The following NRG3 variants were observed in gnomAD, a reference collection of about 807,000 sequenced individuals.
NRG3 encodes pro-neuregulin-3, membrane-bound isoform.
A neutral mutation model predicts 66.9 loss-of-function variants in NRG3; 31 were observed. That is an observed-to-expected ratio of 0.46 (90% CI 0.35 to 0.63). The LOEUF (loss-of-function observed/expected upper bound fraction) is 0.63, where lower values mean the gene tolerates loss of function less well. Among genes scored for constraint, NRG3 ranks in the 20% least tolerant of loss-of-function variants. The pLI is 0.00. For synonymous variants in NRG3, 393 were observed against 359.4 expected (o/e 1.09, Z -1.06); for missense variants, 910 against 878.9 (o/e 1.04, Z -0.45).
intron 2 of NRG3, among the ~76,000 whole-genome samples, chr10:82,398,016 C>G (rs769305258): frequency 6.6e-6 from 1 of 152,132 alleles, no homozygotes; most frequent in Middle Eastern, 3.2e-3. Context: ...CCAGTTCTGA[C>G]CTGTCAATCA....
chr10:82,033,526 C>A (rs1231641369), intron 1 of NRG3, among the ~76,000 whole-genome samples: 1 of 152,060 alleles, frequency 6.6e-6, no homozygotes, highest in East Asian at 1.9e-4. Context: ...TTCCCTCAGT[C>A]CTTCTTCTTT....
At chr10:82,348,241 C>G (rs1436753472) in intron 1 of NRG3, among the ~76,000 whole-genome samples, 2 of 152,156 alleles carry the variant, frequency 1.3e-5, no homozygotes, top group African/African-American at 2.4e-5. Flanking sequence ...CTTCCTTCAA[C>G]AGCTCTTTTA....
At chr10:82,183,551 C>A (rs1442438586) in intron 1 of NRG3, among the ~76,000 whole-genome samples, 1 of 151,974 alleles carries the variant, frequency 6.6e-6, no homozygotes, top group East Asian at 1.9e-4. Flanking sequence ...AACTGCTGGT[C>A]TCAGCTGCTG....
At chr10:82,930,858 G>A (rs1923558) in intron 4 of NRG3, among the ~76,000 whole-genome samples, 57,091 of 151,926 alleles carry the variant, frequency 0.38, 11,165 homozygotes, top group East Asian at 0.63. Flanking sequence ...GGGGATGACA[G>A]AAAACTTCCT....
chr10:82,171,583 G>A (rs1315246937), intron 1 of NRG3, among the ~76,000 whole-genome samples: 3 of 152,108 alleles, frequency 2.0e-5, no homozygotes, highest in Admixed American at 1.3e-4. Flanking sequence ...GAGTATTACA[G>A]TTCAAGTTAG....
chr10:82,029,903 A>G (rs1289641935), intron 1 of NRG3, among the ~76,000 whole-genome samples: 1 of 152,140 alleles, frequency 6.6e-6, no homozygotes, highest in Non-Finnish European at 1.5e-5. Context: ...AAGAGGAATT[A>G]TAATTGGCCT....
chr10:82,505,149 G>C (rs530288764), intron 2 of NRG3, among the ~76,000 whole-genome samples: 1 of 152,312 alleles, frequency 6.6e-6, no homozygotes, highest in East Asian at 1.9e-4. Context: ...CGTCTTCCCT[G>C]AGACTTAAAT....
chr10:82,700,366 T>A, intron 2 of NRG3, among the ~76,000 whole-genome samples: 1 of 152,206 alleles, frequency 6.6e-6, no homozygotes, highest in East Asian at 1.9e-4. Context: ...AGATTATTAA[T>A]GCATCACTTT....
At chr10:82,338,393 T>C (rs543173139) in intron 1 of NRG3, among the ~76,000 whole-genome samples, 1 of 152,226 alleles carries the variant, frequency 6.6e-6, no homozygotes, top group Admixed American at 6.5e-5. Context: ...ACATTATGAG[T>C]ATATTAGCCA....
intron 2 of NRG3, among the ~76,000 whole-genome samples, chr10:82,367,603 TTA>T (rs2084624951): frequency 2.0e-5 from 3 of 152,194 alleles, no homozygotes; most frequent in Admixed American, 1.3e-4. Context: ...TGCAGACTCT[TTA>T]AAAAGTGTTG....
At chr10:81,890,247 T>C (rs1372716307) in intron 1 of NRG3, among the ~76,000 whole-genome samples, 1 of 152,186 alleles carries the variant, frequency 6.6e-6, no homozygotes, top group African/African-American at 2.4e-5. Flanking sequence ...TTTAAGCCTT[T>C]CGGCTACTTG....
At chr10:82,563,845 T>C (rs969508545) in intron 2 of NRG3, among the ~76,000 whole-genome samples, 2 of 152,038 alleles carry the variant, frequency 1.3e-5, no homozygotes, top group Admixed American at 1.3e-4. Flanking sequence ...AAATTTTCTA[T>C]CTTTTTGATG....
At chr10:82,561,244 A>G (rs1052093590) in intron 2 of NRG3, among the ~76,000 whole-genome samples, 2 of 152,066 alleles carry the variant, frequency 1.3e-5, no homozygotes, top group African/African-American at 4.8e-5. Flanking sequence ...ATTTACTTGC[A>G]CCTTCCACCG....
At chr10:82,330,333 A>G (rs1418123674) in intron 1 of NRG3, among the ~76,000 whole-genome samples, 1 of 151,756 alleles carries the variant, frequency 6.6e-6, no homozygotes, top group Non-Finnish European at 1.5e-5. Context: ...TTTTTGCTAT[A>G]TTTACCTGAT....
chr10:82,740,888 A>C (rs2058394319), intron 3 of NRG3, among the ~76,000 whole-genome samples: 2 of 152,068 alleles, frequency 1.3e-5, no homozygotes, highest in Non-Finnish European at 2.9e-5. Flanking sequence ...GTGAAACTGC[A>C]AGATAAAAAA....
chr10:82,442,834 G>A (rs1300660102), intron 2 of NRG3, among the ~76,000 whole-genome samples: 1 of 123,700 alleles, frequency 8.1e-6, no homozygotes. Context: ...AAGATACATC[G>A]AGGAGGCAGG....
chr10:82,384,006 A>C (rs2135885339), intron 2 of NRG3, among the ~76,000 whole-genome samples: 1 of 152,152 alleles, frequency 6.6e-6, no homozygotes, highest in South Asian at 2.1e-4. Flanking sequence ...TTACTGCATC[A>C]CTAAACATTA....
intron 1 of NRG3, among the ~76,000 whole-genome samples, chr10:82,251,709 T>C (rs2134104537): frequency 6.6e-6 from 1 of 152,280 alleles, no homozygotes. Context: ...AAATCGAGAA[T>C]TGGGCAAGGT....
intron 1 of NRG3, among the ~76,000 whole-genome samples, chr10:82,050,366 C>T (rs1239016308): frequency 6.6e-6 from 1 of 151,880 alleles, no homozygotes; most frequent in Non-Finnish European, 1.5e-5. Context: ...AACCACAGCA[C>T]ATAGTGCATT....
Sources: allele counts gnomAD v4.1 joint callset (sites outside exome capture counted in the v4.1 genomes callset), GRCh38; gene constraint gnomAD v4.1.1; transcripts MANE v1.5; gene names NCBI Gene and HGNC (gene_info 2026-07-23, HGNC 2026-07-21).